The following PDE4DIP variants were observed in gnomAD, a reference collection of about 807,000 sequenced individuals.
The protein encoded by PDE4DIP is phosphodiesterase 4D interacting protein.
PDE4DIP carries 59 observed loss-of-function variants against 221.4 expected under a neutral mutation model. That is an observed-to-expected ratio of 0.27 (90% CI 0.22 to 0.33). The LOEUF (loss-of-function observed/expected upper bound fraction) is 0.33, where lower values mean the gene tolerates loss of function less well. Among genes scored for constraint, PDE4DIP ranks in the 10% least tolerant of loss-of-function variants. The pLI, the probability that PDE4DIP is intolerant of heterozygous loss-of-function variation, is 1.00. For missense variants in PDE4DIP, 1,036 were observed against 2,154.2 expected (o/e 0.48, Z 10.28); for synonymous variants, 404 against 815.9 (o/e 0.50, Z 8.60).
intron 17 of PDE4DIP, among the ~76,000 whole-genome samples, chr1:148,975,853 T>G (rs1383940968): frequency 6.6e-6 from 1 of 152,174 alleles, no homozygotes; most frequent in African/African-American, 2.4e-5. Flanking sequence ...TTCTACCTTT[T>G]GCCATAGCTA....
intron 5 of PDE4DIP, among the ~76,000 whole-genome samples, chr1:148,950,446 A>G (rs2052880047): frequency 6.6e-6 from 1 of 152,298 alleles, no homozygotes; most frequent in Non-Finnish European, 1.5e-5. Context: ...CATATGCAAA[A>G]TTCTATAGCC....
exon 32 of PDE4DIP, chr1:149,012,639 C>T (rs782511813): frequency 1.9e-6 from 3 of 1,612,248 alleles, no homozygotes; most frequent in Middle Eastern, 1.7e-4. Flanking sequence ...CCTCAGGCAC[C>T]ATTGCCCTCA....
intron 21 of PDE4DIP, chr1:148,985,160 T>C (rs1553548133): frequency 6.6e-6 from 1 of 152,182 alleles, no homozygotes. Flanking sequence ...GAGTATTTTC[T>C]CTGAGTTCTC....
At chr1:148,911,916 C>A (rs1448810665) in intron 1 of PDE4DIP, among the ~76,000 whole-genome samples, 1 of 149,370 alleles carries the variant, frequency 6.7e-6, no homozygotes, top group Non-Finnish European at 1.5e-5. Flanking sequence ...AGCAAGAGAG[C>A]CTTGAAATTT....
intron 17 of PDE4DIP, among the ~76,000 whole-genome samples, chr1:148,975,823 C>T (rs2060065055): frequency 1.3e-5 from 2 of 152,110 alleles, no homozygotes; most frequent in South Asian, 4.1e-4. Context: ...GCTAGCTAGT[C>T]CAAATAGCTC....
At chr1:148,948,266 G>A in intron 5 of PDE4DIP, among the ~76,000 whole-genome samples, 1 of 152,032 alleles carries the variant, frequency 6.6e-6, no homozygotes, top group Non-Finnish European at 1.5e-5. Context: ...CGTTTTAGAA[G>A]TAATAATTTT....
At chr1:149,031,953 C>T (rs781862801) in exon 44 of PDE4DIP, 51 of 1,608,140 alleles carry the variant, frequency 3.2e-5, no homozygotes, top group Non-Finnish European at 4.3e-5. Context: ...GGTGAAATCC[C>T]TAAGGGCTCT....
chr1:149,031,414 G>C (rs5013780), intron 43 of PDE4DIP, among the ~76,000 whole-genome samples: 3 of 151,506 alleles, frequency 2.0e-5, no homozygotes, highest in African/African-American at 7.3e-5. Context: ...TAGTCTCTGT[G>C]AGACTGCTGC....
chr1:148,951,591 T>C (rs587717216), intron 5 of PDE4DIP, among the ~76,000 whole-genome samples: 6 of 152,286 alleles, frequency 3.9e-5, no homozygotes, highest in African/African-American at 9.6e-5. Context: ...TGTCCTAAAA[T>C]AATGACTGCC....
chr1:148,923,715 T>C (rs2596299), intron 1 of PDE4DIP, among the ~76,000 whole-genome samples: 7,340 of 140,026 alleles, frequency 0.052, 824 homozygotes, highest in Non-Finnish European at 0.078. Flanking sequence ...CCTCGTGATC[T>C]GCCCGCCTCG....
chr1:148,982,030 G>A (rs1369259642), intron 21 of PDE4DIP: 1 of 153,604 alleles, frequency 6.5e-6, no homozygotes, highest in Non-Finnish European at 1.5e-5. Flanking sequence ...TATTGGGAAG[G>A]CCAAGTTAAA....
intron 5 of PDE4DIP, among the ~76,000 whole-genome samples, chr1:148,957,461 TG>T (rs1390041768): frequency 2.1e-5 from 3 of 142,988 alleles, no homozygotes; most frequent in African/African-American, 7.8e-5. Flanking sequence ...AAATACATTA[TG>T]TATTTTCCTG....
chr1:148,978,214 G>T, intron 18 of PDE4DIP, 64 bp from the exon 22 acceptor site: 1 of 1,408,968 alleles, frequency 7.1e-7, no homozygotes, highest in Non-Finnish European at 9.9e-7. Flanking sequence ...TTGTTCCCGT[G>T]CTACTCTGCT....
chr1:148,850,755 G>GT (rs1157736839), intron 1 of PDE4DIP, among the ~76,000 whole-genome samples: 6 of 86,126 alleles, frequency 7.0e-5, no homozygotes, highest in African/African-American at 2.1e-4. Context: ...GAAAATGGAA[G>GT]TAACATTCAA....
chr1:148,987,803 T>A (rs587632839), intron 21 of PDE4DIP, among the ~76,000 whole-genome samples: 1 of 152,112 alleles, frequency 6.6e-6, no homozygotes, highest in East Asian at 1.9e-4. Context: ...TGTGGTGGCA[T>A]GCACCTGTAG....
chr1:148,994,937 G>GA (rs1347307091), intron 22 of PDE4DIP, among the ~76,000 whole-genome samples: 2 of 151,402 alleles, frequency 1.3e-5, no homozygotes, highest in African/African-American at 2.4e-5. Flanking sequence ...ATGACCTTCA[G>GA]ATTCATTCAT....
chr1:148,984,371 A>C (rs1313144029), intron 21 of PDE4DIP: 2 of 152,074 alleles, frequency 1.3e-5, no homozygotes, highest in African/African-American at 4.8e-5. Context: ...TGTTTCTATT[A>C]CATTATATAT....
rs1237458942 is a variant in PDE4DIP, at chr1:148,877,046, G to T, written c.441+8424G>T. 1.0e-4 allele frequency among the ~76,000 whole-genome samples: 15 copies of T among 146,042 alleles called. No individual in the cohort carries two copies. The East Asian group carries it at 2.7e-3, about 26-fold the overall frequency. On this transcript the variant is annotated intron_variant, in intron 3 of 45. Transcript: ENST00000524974. ...AAAAAAAAAGAAAATGTATGTTCAA[G>T]GATGAGTGTTTATATTTCAGTATTC...
chr1:149,001,646 G>A (rs2065682854), exon 24 of PDE4DIP: 1 of 1,613,956 alleles, frequency 6.2e-7, no homozygotes, highest in African/African-American at 1.3e-5. Flanking sequence ...GCAGATGGGA[G>A]AAGCAATGTC....
Sources: gnomAD v4.1 joint callset for allele counts (sites outside exome capture counted in the v4.1 genomes callset) on GRCh38, gnomAD v4.1.1 for gene constraint, MANE v1.5 for transcripts, NCBI Gene and HGNC (gene_info 2026-07-23, HGNC 2026-07-21) for gene names.